The following SCARB2 variants were observed in gnomAD, a reference collection of about 807,000 sequenced individuals.
SCARB2 encodes scavenger receptor class B member 2, also known as lysosome membrane protein 2.
A neutral mutation model predicts 58.6 loss-of-function variants in SCARB2; 29 were observed. The observed-to-expected ratio is 0.49, with a 90% CI of 0.37 to 0.67. The LOEUF (loss-of-function observed/expected upper bound fraction) is 0.67. Among genes scored for constraint, SCARB2 ranks in the 30% least tolerant of loss-of-function variants. The pLI, the probability that SCARB2 is intolerant of heterozygous loss-of-function variation, is 0.00. For missense variants in SCARB2, 488 were observed against 578.5 expected (o/e 0.84, Z 1.60); for synonymous variants, 195 against 210.1 (o/e 0.93, Z 0.62).
chr4:76,197,187 T>C, intron 1 of SCARB2, among the ~76,000 whole-genome samples: 1 of 152,194 alleles, frequency 6.6e-6, no homozygotes, highest in South Asian at 2.1e-4. Flanking sequence ...GTTGTATTCA[T>C]TCGGGAAGCC....
intron 3 of SCARB2, 134 bp downstream of exon 3, chr4:76,180,820 A>T: frequency 4.9e-6 from 3 of 618,478 alleles, no homozygotes; most frequent in Non-Finnish European, 5.1e-6. Flanking sequence ...AAAAGAAAAG[A>T]AGTATTTTTC....
chr4:76,214,488 G>T (rs890597778), upstream of SCARB2: 1 of 362,492 alleles, frequency 2.8e-6, no homozygotes, highest in Admixed American at 3.5e-5. Flanking sequence ...AGTTCCTTTT[G>T]ACTGTAGGCT....
In SCARB2 at chr4:76,231,152, C is replaced by T. The variant is rs562269595; in HGVS notation, c.-358+3151G>A. 3.3e-5 allele frequency among the ~76,000 whole-genome samples: 5 copies of T among 152,314 alleles called. No individual in the cohort carries two copies. The East Asian group carries it at 7.7e-4, about 24-fold the overall frequency. The stretch of plus-strand genomic sequence containing the variant: ...AGAGGAAAGGATGTCTTGTGACACA[C>T]CCAGATGACTGATAGCTATAGTTAT... On this transcript the variant is annotated intron_variant, in intron 1 of 11. Coordinates refer to the SCARB2 transcript ENST00000638295.
intron 1 of SCARB2, among the ~76,000 whole-genome samples, chr4:76,200,117 C>T (rs1560718047): frequency 6.6e-6 from 1 of 152,220 alleles, no homozygotes; most frequent in South Asian, 2.1e-4. Context: ...CCCTCAAAGG[C>T]GCCCTTTGCC....
chr4:76,192,847 A>AAAAAC (rs564190823), intron 2 of SCARB2: 5 of 152,258 alleles, frequency 3.3e-5, no homozygotes, highest in South Asian at 2.1e-4. Flanking sequence ...ACCCTGTCTC[A>AAAAAC]AAAACAAAAC....
intron 1 of SCARB2, among the ~76,000 whole-genome samples, chr4:76,197,291 C>T (rs1038796920): frequency 4.6e-5 from 7 of 152,194 alleles, no homozygotes; most frequent in African/African-American, 1.7e-4. Context: ...ATTTGACCAA[C>T]AGGATGTGGG....
At chr4:76,180,156 G>A in intron 3 of SCARB2, 1 of 212,420 alleles carries the variant, frequency 4.7e-6, no homozygotes, top group Non-Finnish European at 9.6e-6. Context: ...CGGTCACCTA[G>A]GGGTTAGGGT....
chr4:76,166,937 TAGAA>T (rs1254076160), intron 9 of SCARB2: 2 of 152,880 alleles, frequency 1.3e-5, no homozygotes, highest in Non-Finnish European at 2.9e-5. Context: ...ACCTACTTCT[TAGAA>T]AGAGCCATGA....
At chr4:76,186,467 C>A (rs1732490140) in intron 2 of SCARB2, among the ~76,000 whole-genome samples, 1 of 151,952 alleles carries the variant, frequency 6.6e-6, no homozygotes, top group South Asian at 2.1e-4. Context: ...CAAGGGGAGC[C>A]AGCCAAAGGC....
chr4:76,159,718 C>CT lies in SCARB2; in HGVS notation c.*1994_*1995insA, dbSNP rs1560701600. On this transcript the variant is annotated 3_prime_UTR_variant, in exon 12 of 12. Transcript: ENST00000264896. ...GCCTGGCGACAGAGTGAGACTCTCT[C>CT]AAAAAAAAAAGAATCATGACACAAG... 2.7e-5 allele frequency: 4 copies of CT among 147,082 alleles called. No homozygotes were observed. Among genetic ancestry groups the CT allele is most frequent in the African/African-American group, 1.0e-4 (4 of 40,102 alleles). The allele number at this position is 147,082 out of a possible 1,614,324, so 9.1% of individuals were successfully genotyped here.
chr4:76,174,483 A>T (rs1261460641), intron 6 of SCARB2, 170 bp from the exon 7 acceptor site: 1 of 647,132 alleles, frequency 1.5e-6, no homozygotes, highest in Non-Finnish European at 2.8e-6. Flanking sequence ...ATAAAGCAGA[A>T]GATGAATTGT....
At chr4:76,161,885 C>A (rs1463341783) in intron 11 of SCARB2, 134 bp from the exon 12 acceptor site, 4 of 793,698 alleles carry the variant, frequency 5.0e-6, no homozygotes, top group Non-Finnish European at 8.5e-6. Context: ...TCACTCACCT[C>A]CCCTCTTGGG....
At chr4:76,186,316 G>C (rs1732485453) in intron 2 of SCARB2, among the ~76,000 whole-genome samples, 1 of 152,166 alleles carries the variant, frequency 6.6e-6, no homozygotes, top group Non-Finnish European at 1.5e-5. Flanking sequence ...ATTCCCATGT[G>C]GGGAGTGAGA....
In SCARB2 at chr4:76,213,439, C is replaced by G; in HGVS notation, c.105G>C (p.Gln35His). ...CGCCCCGCCTCACCTTCTCGATACT[C>G]TGGTCTACAGCCTTCTGGAAGACCC... ...VARVFQKAVD[Q>H]SIEKKIVLRN... The change falls in exon 1 of 12, where the codon CAG (glutamine) becomes CAC (histidine). Residue 35 changes from glutamine (Q) to histidine (H), a missense_variant. Transcript: ENST00000264896. The G allele has an allele frequency of 1.2e-6, 2 of 1,609,828 alleles. No individual in the cohort carries two copies. The highest frequency in any genetic ancestry group is 1.1e-5 in the South Asian group (1 of 90,312).
chr4:76,182,677 TA>T (rs1266243382), intron 2 of SCARB2, among the ~76,000 whole-genome samples: 2 of 152,184 alleles, frequency 1.3e-5, no homozygotes, highest in African/African-American at 2.4e-5. Context: ...AGCATTCAAT[TA>T]GAAACTTCTG....
intron 1 of SCARB2, among the ~76,000 whole-genome samples, chr4:76,198,148 A>C (rs919820182): frequency 1.3e-5 from 2 of 152,142 alleles, no homozygotes; most frequent in Non-Finnish European, 2.9e-5. Flanking sequence ...TTGAGTGAGC[A>C]CTCTGTATTC....
intron 3 of SCARB2, 85 bp from the exon 4 acceptor site, chr4:76,179,790 G>C: frequency 9.7e-7 from 1 of 1,034,902 alleles, no homozygotes; most frequent in South Asian, 1.3e-5. Context: ...TAGCAAAGGG[G>C]GTTGGAAATA....
chr4:76,231,529 A>C (rs1733492328), intron 1 of SCARB2, among the ~76,000 whole-genome samples: 1 of 54,116 alleles, frequency 1.8e-5, no homozygotes, highest in African/African-American at 8.3e-5. Flanking sequence ...TTTTGTTAAA[A>C]ACAAACAAAC....
chr4:76,187,285 A>G (rs998598115), intron 2 of SCARB2, among the ~76,000 whole-genome samples: 1 of 152,228 alleles, frequency 6.6e-6, no homozygotes, highest in African/African-American at 2.4e-5. Flanking sequence ...CAAGGTAAAC[A>G]ATGGAAAAGC....
Sources: allele counts gnomAD v4.1 joint callset (sites outside exome capture counted in the v4.1 genomes callset), GRCh38; gene constraint gnomAD v4.1.1; transcripts MANE v1.5; gene names NCBI Gene and HGNC (gene_info 2026-07-23, HGNC 2026-07-21).